Variants in IMMP2L observed in about 807,000 individuals in gnomAD.
IMMP2L encodes inner mitochondrial membrane peptidase subunit 2.
Under a neutral mutation model 19.3 loss-of-function variants are expected in IMMP2L, and 18 were observed. The ratio of observed to expected loss-of-function variants is 0.93; its 90% CI spans 0.64 to 1.38. The LOEUF is 1.38. Ranked by LOEUF, IMMP2L falls within the 40% of genes most tolerant of loss-of-function variation. IMMP2L has a pLI of 0.00. For synonymous variants in IMMP2L, 76 were observed against 73.0 expected (o/e 1.04, Z -0.21); for missense variants, 233 against 218.2 (o/e 1.07, Z -0.43).
chr7:110,891,921 T>A (rs565998693), intron 4 of IMMP2L, among the ~76,000 whole-genome samples: 14 of 152,118 alleles, frequency 9.2e-5, no homozygotes, highest in African/African-American at 3.1e-4. Context: ...AGAAAGAGAA[T>A]AAAAAGAAAC....
intron 3 of IMMP2L, among the ~76,000 whole-genome samples, chr7:110,994,419 C>A (rs73714606): frequency 6.6e-6 from 1 of 152,096 alleles, no homozygotes; most frequent in Non-Finnish European, 1.5e-5. Context: ...TCCCTTACTG[C>A]GAAGTATGAC....
intron 5 of IMMP2L, among the ~76,000 whole-genome samples, chr7:110,668,283 G>A (rs1002811997): frequency 1.3e-5 from 2 of 152,104 alleles, no homozygotes; most frequent in Non-Finnish European, 2.9e-5. Flanking sequence ...TTCCATCTAT[G>A]TTAACTTCCA....
At chr7:110,880,653 CAT>C (rs1422120167) in intron 5 of IMMP2L, among the ~76,000 whole-genome samples, 1 of 151,922 alleles carries the variant, frequency 6.6e-6, no homozygotes, top group East Asian at 1.9e-4. Context: ...GCACCAATTA[CAT>C]CTTACAAGTA....
chr7:111,277,218 C>T (rs577631048), intron 3 of IMMP2L, among the ~76,000 whole-genome samples: 1 of 151,294 alleles, frequency 6.6e-6, no homozygotes, highest in East Asian at 2.0e-4. Context: ...TGACAAAGGG[C>T]TAATATCCAG....
intron 3 of IMMP2L, among the ~76,000 whole-genome samples, chr7:110,988,147 C>T (rs1253469550): frequency 1.3e-5 from 2 of 152,130 alleles, no homozygotes; most frequent in African/African-American, 2.4e-5. Context: ...TAACAAAGTG[C>T]ACTAAAAATG....
chr7:111,498,949 T>C (rs915114964), intron 2 of IMMP2L, among the ~76,000 whole-genome samples: 4 of 151,934 alleles, frequency 2.6e-5, no homozygotes, highest in African/African-American at 9.7e-5. Context: ...TTCTGGCAGA[T>C]AAAAAGGGGG....
At position 110,902,638 on chromosome 7, in the gene IMMP2L, G is replaced by C. The variant is rs1357832902; in HGVS notation, c.306-15943C>G. Among the ~76,000 whole-genome samples the C allele has an allele frequency of 1.9e-5, 2 of 105,910 alleles. 1 individual carries two copies. Among genetic ancestry groups the C allele is most frequent in the Non-Finnish European group, 3.7e-5 (2 of 54,696 alleles). The allele number at this position is 105,910 out of a possible 152,430, so 69.5% of individuals were successfully genotyped here. The stretch of plus-strand genomic sequence containing the variant: ...CTTTAATATCAATCTAAAGAGTACA[G>C]ACTCGGCCGGGCGCGGTGGCTCACG... On this transcript the variant is annotated intron_variant, in intron 4 of 5. Coordinates refer to ENST00000405709, the MANE Select transcript of IMMP2L (RefSeq NM_032549.4).
At chr7:110,883,117 C>T (rs1361279827) in intron 5 of IMMP2L, among the ~76,000 whole-genome samples, 2 of 152,110 alleles carry the variant, frequency 1.3e-5, no homozygotes, top group Non-Finnish European at 2.9e-5. Context: ...AAAAAGAATT[C>T]TATGGAATTT....
intron 3 of IMMP2L, among the ~76,000 whole-genome samples, chr7:111,163,210 C>T (rs1805457371): frequency 6.6e-6 from 1 of 152,054 alleles, no homozygotes; most frequent in Admixed American, 6.6e-5. Context: ...GGGCACCTTG[C>T]TCTAATACCA....
chr7:111,158,795 T>C (rs1804932333), intron 3 of IMMP2L, among the ~76,000 whole-genome samples: 1 of 152,118 alleles, frequency 6.6e-6, no homozygotes, highest in Non-Finnish European at 1.5e-5. Flanking sequence ...GTGAGTAATA[T>C]CTAAGTTTCC....
At chr7:111,343,934 C>T (rs375336696) in intron 3 of IMMP2L, among the ~76,000 whole-genome samples, 2 of 152,026 alleles carry the variant, frequency 1.3e-5, no homozygotes, top group African/African-American at 4.8e-5. Context: ...ATTGTTTCTT[C>T]TCTCTCCCTG....
At chr7:110,913,278 C>T (rs541649311) in intron 4 of IMMP2L, among the ~76,000 whole-genome samples, 33 of 152,120 alleles carry the variant, frequency 2.2e-4, no homozygotes, top group Admixed American at 3.9e-4. Context: ...AGATTTGATG[C>T]GCATCAAGGG....
At chr7:111,005,957 G>A (rs1265328207) in intron 3 of IMMP2L, among the ~76,000 whole-genome samples, 2 of 148,902 alleles carry the variant, frequency 1.3e-5, no homozygotes, top group South Asian at 2.2e-4. Context: ...ACTAATTTCA[G>A]AAAGGCCAGG....
At chr7:111,307,688 T>G (rs1008115472) in intron 3 of IMMP2L, among the ~76,000 whole-genome samples, 4 of 151,808 alleles carry the variant, frequency 2.6e-5, no homozygotes, top group African/African-American at 9.7e-5. Flanking sequence ...ATATTCATAA[T>G]TTACAGTTTG....
intron 3 of IMMP2L, among the ~76,000 whole-genome samples, chr7:111,418,873 T>C (rs1174159442): frequency 2.0e-5 from 3 of 151,822 alleles, no homozygotes; most frequent in African/African-American, 7.3e-5. Context: ...AATAGCTAAA[T>C]GCCACTTATG....
intron 3 of IMMP2L, among the ~76,000 whole-genome samples, chr7:110,995,202 C>T (rs1023010261): frequency 1.3e-5 from 2 of 151,910 alleles, no homozygotes; most frequent in African/African-American, 4.8e-5. Flanking sequence ...GAAGTAAGAA[C>T]CTTACGGGCT....
intron 3 of IMMP2L, among the ~76,000 whole-genome samples, chr7:111,148,832 A>C (rs1280545553): frequency 2.6e-5 from 4 of 152,004 alleles, no homozygotes; most frequent in Admixed American, 1.3e-4. Flanking sequence ...ATACTTTGTT[A>C]TGAAACACTT....
At chr7:111,370,386 T>C (rs1830160356) in intron 3 of IMMP2L, among the ~76,000 whole-genome samples, 1 of 151,966 alleles carries the variant, frequency 6.6e-6, no homozygotes, top group Non-Finnish European at 1.5e-5. Flanking sequence ...CTCTAGAATA[T>C]CCAACTAAGT....
chr7:111,517,395 T>C (rs997926865), intron 2 of IMMP2L, among the ~76,000 whole-genome samples: 3 of 150,268 alleles, frequency 2.0e-5, no homozygotes, highest in African/African-American at 4.9e-5. Context: ...CCTCTGGCCA[T>C]GCAAATGAAA....
Sources: allele counts gnomAD v4.1 joint callset (sites outside exome capture counted in the v4.1 genomes callset), GRCh38; gene constraint gnomAD v4.1.1; transcripts MANE v1.5; gene names NCBI Gene and HGNC (gene_info 2026-07-23, HGNC 2026-07-21).